Variants in ZNF248 observed in about 807,000 individuals in gnomAD.
ZNF248 encodes the protein KRAB protein domain.
Under a neutral mutation model 44.3 loss-of-function variants are expected in ZNF248, and 20 were observed. That is an observed-to-expected ratio of 0.45 (90% CI 0.32 to 0.66). The LOEUF (loss-of-function observed/expected upper bound fraction) is 0.66, where lower values mean the gene tolerates loss of function less well. Among genes scored for constraint, ZNF248 ranks in the 30% least tolerant of loss-of-function variants. The pLI is 0.04. For synonymous variants in ZNF248, 224 were observed against 229.0 expected (o/e 0.98, Z 0.20); for missense variants, 654 against 677.0 (o/e 0.97, Z 0.38).
intron 3 of ZNF248, among the ~76,000 whole-genome samples, chr10:37,851,791 A>AC (rs1233663597): frequency 6.6e-6 from 1 of 150,936 alleles, no homozygotes; most frequent in East Asian, 1.9e-4. Flanking sequence ...AAAAAAAAAA[A>AC]AAACCAGTGC....
chr10:37,816,298 A>G (rs1484841639), intron 6 of ZNF248, among the ~76,000 whole-genome samples: 1 of 152,204 alleles, frequency 6.6e-6, no homozygotes, highest in East Asian at 1.9e-4. Flanking sequence ...CACCTCCACG[A>G]TCAGAAGGAG....
chr10:37,785,722 A>AT (rs1472670617), intron 6 of ZNF248, among the ~76,000 whole-genome samples: 33 of 152,194 alleles, frequency 2.2e-4, no homozygotes, highest in African/African-American at 7.5e-4. Context: ...AAAGATGGTG[A>AT]TGATGGGGAA....
intron 6 of ZNF248, among the ~76,000 whole-genome samples, chr10:37,816,790 C>G (rs144269294): frequency 1.6e-4 from 24 of 152,248 alleles, no homozygotes; most frequent in African/African-American, 5.5e-4. Flanking sequence ...AGCCATGCCC[C>G]AGAGGCTAAG....
At chr10:37,825,233 G>A (rs2054190690), downstream of ZNF248, among the ~76,000 whole-genome samples, 1 of 152,018 alleles carries the variant, frequency 6.6e-6, no homozygotes, top group Non-Finnish European at 1.5e-5. Flanking sequence ...AAAATGATGA[G>A]CACCTCAATT....
chr10:37,790,673 G>A (rs775242924), intron 6 of ZNF248, among the ~76,000 whole-genome samples: 4 of 151,462 alleles, frequency 2.6e-5, no homozygotes, highest in African/African-American at 7.3e-5. Flanking sequence ...TGGCATCACT[G>A]CACTCCAGCC....
At chr10:37,850,719 T>G (rs1048342402) in intron 3 of ZNF248, among the ~76,000 whole-genome samples, 2 of 152,052 alleles carry the variant, frequency 1.3e-5, no homozygotes, top group African/African-American at 4.8e-5. Flanking sequence ...GAAAAAAAAT[T>G]TTTAACAAAT....
intron 6 of ZNF248, among the ~76,000 whole-genome samples, chr10:37,806,407 C>T (rs570561515): frequency 1.3e-5 from 2 of 152,208 alleles, no homozygotes; most frequent in Admixed American, 1.3e-4. Context: ...CTTTCTCCCT[C>T]CCTTCCTTCT....
downstream of ZNF248, among the ~76,000 whole-genome samples, chr10:37,774,276 T>C (rs987064529): frequency 2.6e-5 from 4 of 152,186 alleles, no homozygotes; most frequent in Non-Finnish European, 5.9e-5. Context: ...ACTGTGGTTA[T>C]TTGTTACCGC....
chr10:37,826,080 C>G (rs1050372203), downstream of ZNF248, among the ~76,000 whole-genome samples: 1 of 151,960 alleles, frequency 6.6e-6, no homozygotes, highest in African/African-American at 2.4e-5. Context: ...TTTAAGTAGT[C>G]GTAAAAATGA....
chr10:37,765,758 G>C, the ZNF248 span, among the ~76,000 whole-genome samples: 1 of 144,094 alleles, frequency 6.9e-6, no homozygotes, highest in East Asian at 1.9e-4. Context: ...CAGACAGTGG[G>C]TGCAGGACAG....
At chr10:37,767,584 T>G in the ZNF248 span, among the ~76,000 whole-genome samples, 3 of 152,190 alleles carry the variant, frequency 2.0e-5, no homozygotes, top group South Asian at 2.1e-4. Context: ...TGAGAGATTT[T>G]GTCACCACCA....
intron 6 of ZNF248, among the ~76,000 whole-genome samples, chr10:37,817,594 C>T (rs941451694): frequency 6.6e-6 from 1 of 152,036 alleles, no homozygotes; most frequent in Non-Finnish European, 1.5e-5. Flanking sequence ...GAGGAGAAAG[C>T]TGCATCTGAT....
At chr10:37,759,021 G>C in the ZNF248 span, among the ~76,000 whole-genome samples, 3 of 152,236 alleles carry the variant, frequency 2.0e-5, no homozygotes, top group South Asian at 6.2e-4. Context: ...GAGACCACTA[G>C]GCAAGGAAGG....
chr10:37,826,090 A>G (rs576907212), downstream of ZNF248, among the ~76,000 whole-genome samples: 1 of 152,336 alleles, frequency 6.6e-6, no homozygotes, highest in Admixed American at 6.5e-5. Flanking sequence ...CGTAAAAATG[A>G]TCAGGTAAGG....
intron 6 of ZNF248, among the ~76,000 whole-genome samples, chr10:37,809,686 CACA>C (rs774243916): frequency 1.6e-4 from 25 of 152,258 alleles, no homozygotes; most frequent in Non-Finnish European, 3.1e-4. Context: ...TCCCCTTTAG[CACA>C]ACTTTTGCTG....
intron 6 of ZNF248, among the ~76,000 whole-genome samples, chr10:37,793,874 TTC>T (rs1259958213): frequency 2.0e-5 from 3 of 152,162 alleles, no homozygotes; most frequent in Non-Finnish European, 4.4e-5. Context: ...GTGATGACAT[TTC>T]TTTTTAATAT....
intron 6 of ZNF248, among the ~76,000 whole-genome samples, chr10:37,781,875 T>C (rs1172584810): frequency 6.6e-6 from 1 of 152,240 alleles, no homozygotes; most frequent in African/African-American, 2.4e-5. Flanking sequence ...TTCTCCTGCA[T>C]TTATTGACTG....
chr10:37,806,756 A>G (rs924699779), intron 6 of ZNF248, among the ~76,000 whole-genome samples: 4 of 152,128 alleles, frequency 2.6e-5, no homozygotes, highest in Admixed American at 2.0e-4. Flanking sequence ...TGATAAAGTA[A>G]AATTTGTCTA....
chr10:37,809,706 A>G (rs953975633), intron 6 of ZNF248, among the ~76,000 whole-genome samples: 1 of 152,130 alleles, frequency 6.6e-6, no homozygotes, highest in African/African-American at 2.4e-5. Context: ...GCTGCATCCC[A>G]TAAGTTTCTG....
Sources: gnomAD v4.1 joint callset for allele counts (sites outside exome capture counted in the v4.1 genomes callset) on GRCh38, gnomAD v4.1.1 for gene constraint, MANE v1.5 for transcripts, NCBI Gene and HGNC (gene_info 2026-07-23, HGNC 2026-07-21) for gene names.